The following SESTD1 variants were observed in gnomAD, a reference collection of about 807,000 sequenced individuals.
SESTD1 encodes the protein SEC14 and spectrin domain containing 1, also known as SEC14 domain and spectrin repeat-containing protein 1.
In SESTD1, 43 loss-of-function variants were observed where a neutral mutation model predicts 101.7. That is an observed-to-expected ratio of 0.42 (90% CI 0.33 to 0.55). The LOEUF (loss-of-function observed/expected upper bound fraction) is 0.55. Among genes scored for constraint, SESTD1 ranks in the 20% least tolerant of loss-of-function variants. The probability of loss-of-function intolerance (pLI) is 0.07; values close to 1 mark genes in which losing one functional copy is unlikely to be tolerated. For missense variants in SESTD1, 647 were observed against 815.1 expected (o/e 0.79, Z 2.51); for synonymous variants, 283 against 286.8 (o/e 0.99, Z 0.13).
intron 1 of SESTD1, among the ~76,000 whole-genome samples, chr2:179,198,961 T>A (rs1162387448): frequency 5.3e-5 from 8 of 152,142 alleles, no homozygotes; most frequent in African/African-American, 1.2e-4. Flanking sequence ...AAATCGGAGT[T>A]AAACTGAAGG....
Position 179,134,612 on chromosome 2 carries a change from T to G in SESTD1, c.850-2186A>C, listed in dbSNP as rs185975447. 3.9e-5 allele frequency among the ~76,000 whole-genome samples: 6 copies of G among 152,248 alleles called. No individual in the cohort carries two copies. The South Asian group carries it at 1.2e-3, about 32-fold the overall frequency. On this transcript the variant is annotated intron_variant, in intron 9 of 17. Transcript: ENST00000428443. ...AGCAGTTATATATAATGTTTTTTTT[T>G]CTCTGTTTTATTTTCCCAGAAAAGG... is the stretch of plus-strand genomic sequence containing the variant.
Position 179,185,746 on chromosome 2 carries a change from T to C in SESTD1, c.56-2558A>G, listed in dbSNP as rs367739059. 1.8e-3 allele frequency among the ~76,000 whole-genome samples: 135 copies of C among 75,906 alleles called. 1 individual carries two copies. The highest frequency in any genetic ancestry group is 0.011 in the Admixed American group (67 of 5,964). 49.8% of individuals were successfully genotyped at this position (75,906 alleles called of 152,430 possible). On this transcript the variant is annotated intron_variant, in intron 2 of 17. Transcript: ENST00000428443. ...GCATATTATATATAATATAATATAG[T>C]ATATTATATACAATATATAATATAG...
At chr2:179,235,736 C>G (rs1175800644) in intron 1 of SESTD1, among the ~76,000 whole-genome samples, 1 of 152,156 alleles carries the variant, frequency 6.6e-6, no homozygotes, top group Non-Finnish European at 1.5e-5. Context: ...TTTGAAAATC[C>G]CGAATGGTAC....
intron 9 of SESTD1, among the ~76,000 whole-genome samples, chr2:179,136,692 T>TA (rs1436045451): frequency 6.6e-6 from 1 of 152,174 alleles, no homozygotes; most frequent in African/African-American, 2.4e-5. Flanking sequence ...TTTAGAAACT[T>TA]AAGACATCAT....
At chr2:179,217,353 T>C (rs2046738243) in intron 1 of SESTD1, among the ~76,000 whole-genome samples, 1 of 152,236 alleles carries the variant, frequency 6.6e-6, no homozygotes, top group Non-Finnish European at 1.5e-5. Context: ...AGAAGACATT[T>C]ATGCAGCCAA....
At chr2:179,186,183 A>G (rs1479883523) in intron 2 of SESTD1, among the ~76,000 whole-genome samples, 1 of 151,804 alleles carries the variant, frequency 6.6e-6, no homozygotes, top group Non-Finnish European at 1.5e-5. Flanking sequence ...CATAAAAAAG[A>G]ATAATAGAGA....
chr2:179,254,744 T>A (rs900101526), intron 1 of SESTD1, among the ~76,000 whole-genome samples: 10 of 152,240 alleles, frequency 6.6e-5, no homozygotes, highest in Non-Finnish European at 1.3e-4. Flanking sequence ...CTCGATATAT[T>A]TGCCATGAAT....
In SESTD1 at chr2:179,146,444, T is replaced by G. The variant is rs2045397474; in HGVS notation, c.595A>C (p.Asn199His). The change falls in exon 8 of 18, where the codon AAC (asparagine) becomes CAC (histidine). Residue 199 changes from asparagine to histidine, a missense_variant. Asn to His is a moderately conservative substitution (Grantham distance 68). This residue lies in a region of SESTD1 where 168 missense variants were observed against 235.1 expected (regional missense o/e 0.71). Transcript: ENST00000428443. ...TCAGGATCAACCGATGGAAGAAAGT[T>G]TAAATCCACAGACCTGGAAAACACC... ...QQEKERSVDL[N>H]FLPSVDPETV... 6.2e-7 allele frequency: 1 copy of G among 1,613,204 alleles called. No homozygotes were observed. Among genetic ancestry groups the G allele is most frequent in the Admixed American group, 1.7e-5 (1 of 59,844 alleles).
At chr2:179,210,758 C>T (rs2046640538) in intron 1 of SESTD1, among the ~76,000 whole-genome samples, 1 of 134,226 alleles carries the variant, frequency 7.5e-6, no homozygotes. Context: ...AAAGCATTCC[C>T]CCTGAGAATT....
chr2:179,124,364 A>G lies in SESTD1; in HGVS notation c.1167T>C (p.Asp389=), dbSNP rs1369639080. 2 of 1,613,556 alleles carry G rather than the reference A, an allele frequency of 1.2e-6. No homozygotes were observed. The highest frequency in any genetic ancestry group is 8.5e-7 in the Non-Finnish European group (1 of 1,179,588). ...AALEFHGVAQ[D]LSQQLDGLLG... ...GAAAAGAATCAGAATAGACACTTAC[A>G]TCTTGGGCAACACCATGAAATTCAA... The change falls in exon 11 of 18, where the codon GAT becomes GAC. Residue 389 remains aspartate (D), a splice_region_variant and synonymous_variant. Coordinates refer to ENST00000428443, the MANE Select transcript of SESTD1 (RefSeq NM_178123.5).
intron 5 of SESTD1, among the ~76,000 whole-genome samples, chr2:179,164,311 G>T (rs1423901122): frequency 6.6e-6 from 1 of 152,168 alleles, no homozygotes; most frequent in Admixed American, 6.5e-5. Flanking sequence ...AAAAGAACAT[G>T]ATTAGATCCA....
intron 3 of SESTD1, among the ~76,000 whole-genome samples, chr2:179,181,603 T>C (rs963198017): frequency 2.0e-5 from 3 of 152,174 alleles, no homozygotes; most frequent in African/African-American, 4.8e-5. Flanking sequence ...TCAGGAATCA[T>C]GGACTCTCAT....
In SESTD1 at chr2:179,160,661, A is replaced by AC. The variant is rs1211832969; in HGVS notation, c.370-9271dup. ...GCCTGTGAAGAAGATGGAACCACAA[A>AC]CTCAACATTTTCATTTCTCAGAAAA... On this transcript the variant is annotated intron_variant, in intron 5 of 17. Transcript: ENST00000428443. Among the ~76,000 whole-genome samples the AC allele has an allele frequency of 2.1e-4, 32 of 152,100 alleles. 1 individual carries two copies. The South Asian group carries it at 6.4e-3, about 31-fold the overall frequency.
chr2:179,183,231 AGGC>A, intron 2 of SESTD1, 43 bp from the exon 3 acceptor site: 2 of 1,259,124 alleles, frequency 1.6e-6, no homozygotes, highest in Non-Finnish European at 2.3e-6. Context: ...ATACATATTA[AGGC>A]ATAATCTGAA....
intron 5 of SESTD1, among the ~76,000 whole-genome samples, chr2:179,161,434 G>A (rs2045734243): frequency 1.1e-4 from 17 of 152,094 alleles, no homozygotes; most frequent in East Asian, 1.9e-4. Context: ...AGGCCAAGGC[G>A]AGTGGATCAC....
At chr2:179,171,212 C>T (rs538662844) in intron 5 of SESTD1, among the ~76,000 whole-genome samples, 7 of 152,164 alleles carry the variant, frequency 4.6e-5, no homozygotes, top group South Asian at 2.1e-4. Context: ...TTTCACTGCA[C>T]GTAAATTATA....
intron 1 of SESTD1, among the ~76,000 whole-genome samples, chr2:179,246,522 T>G (rs1381989903): frequency 6.6e-6 from 1 of 152,168 alleles, no homozygotes; most frequent in Non-Finnish European, 1.5e-5. Flanking sequence ...ATCACACAAG[T>G]GTCTATCGAA....
rs565874389 is a variant in SESTD1, at chr2:179,171,347, A to G, written c.369+773T>C. On this transcript the variant is annotated intron_variant, in intron 5 of 17. Coordinates refer to ENST00000428443, the MANE Select transcript of SESTD1 (RefSeq NM_178123.5). ...AATATACATTAACAACCTTTTCTCC[A>G]TACCAAAAATACACTGATATTGACC... is the stretch of plus-strand genomic sequence containing the variant. Among the ~76,000 whole-genome samples the G allele has an allele frequency of 7.2e-5, 11 of 152,312 alleles. 1 individual carries two copies. In the South Asian group the frequency reaches 2.3e-3, roughly 32 times the overall value.
chr2:179,188,315 T>A (rs1237684274), intron 2 of SESTD1, among the ~76,000 whole-genome samples: 2 of 152,160 alleles, frequency 1.3e-5, no homozygotes, highest in African/African-American at 4.8e-5. Flanking sequence ...ATTAAACAGC[T>A]TGCATTTGAA....
Sources: gnomAD v4.1 joint callset for allele counts (sites outside exome capture counted in the v4.1 genomes callset) on GRCh38, gnomAD v4.1.1 for gene constraint, gnomAD v4.1.1 regional missense constraint, MANE v1.5 for transcripts, NCBI Gene and HGNC (gene_info 2026-07-23, HGNC 2026-07-21) for gene names.